The following NRXN2 variants were observed in gnomAD, a reference collection of about 807,000 sequenced individuals.
The protein encoded by NRXN2 is neurexin-2-beta.
In NRXN2, 29 loss-of-function variants were observed where a neutral mutation model predicts 128.8. The observed-to-expected ratio is 0.23, with a 90% CI of 0.17 to 0.31. The LOEUF (loss-of-function observed/expected upper bound fraction) is 0.31, where lower values mean the gene tolerates loss of function less well. NRXN2 is among the 10% of genes least tolerant of loss of function. The pLI is 1.00. For synonymous variants in NRXN2, 1,098 were observed against 1,075.2 expected, an observed-to-expected ratio of 1.02 and a Z score of -0.41; for missense variants, 1,881 against 2,452.6, an observed-to-expected ratio of 0.77 and a Z score of 4.92.
chr11:64,611,119 CA>C (rs918323746), intron 22 of NRXN2, among the ~76,000 whole-genome samples: 1 of 152,198 alleles, frequency 6.6e-6, no homozygotes, highest in African/African-American at 2.4e-5. Flanking sequence ...GTGGGCCTGG[CA>C]CAGAATTGGG....
chr11:64,642,949 C>A, intron 17 of NRXN2: 1 of 1,021,322 alleles, frequency 9.8e-7, no homozygotes. Context: ...AAGCCTCGGT[C>A]CGGAGCCAAC....
intron 5 of NRXN2, chr11:64,688,864 C>T: frequency 2.1e-6 from 2 of 960,354 alleles, no homozygotes; most frequent in Middle Eastern, 5.4e-4. Flanking sequence ...CTCCAGCGCC[C>T]CCCTCCGCCC....
chr11:64,701,769 G>A (rs2055402313), intron 2 of NRXN2, among the ~76,000 whole-genome samples: 1 of 152,208 alleles, frequency 6.6e-6, no homozygotes, highest in Non-Finnish European at 1.5e-5. Flanking sequence ...CCGTCCGGGG[G>A]GGAAGTGGGG....
At position 64,652,085 on chromosome 11, in the gene NRXN2, A is replaced by C; in HGVS notation, c.2486T>G (p.Val829Gly). 2 of 1,613,360 alleles carry C rather than the reference A, an allele frequency of 1.2e-6. No individual in the cohort carries two copies. The highest frequency in any genetic ancestry group is 1.7e-6 in the Non-Finnish European group (2 of 1,179,960). ...NDNEWHTVRV[V>G]RRGKSLQLSV... Reference sequence around the variant, plus strand: ...CAGCTGCAGGCTCTTGCCACGCCGGACCACCCTCACCGTGTGCCACTCATT... The same window carrying C: ...CAGCTGCAGGCTCTTGCCACGCCGGCCCACCCTCACCGTGTGCCACTCATT... The change falls in exon 13 of 23, where the codon GTC (valine) becomes GGC (glycine). Residue 829 changes from valine (V) to glycine (G), a missense_variant. By Grantham distance (109) the Val-to-Gly change is moderately radical. This residue lies in a region of NRXN2 where 997 missense variants were observed against 1,240.8 expected (regional missense o/e 0.80). Coordinates refer to ENST00000265459, the MANE Select transcript of NRXN2 (RefSeq NM_015080.4).
At chr11:64,703,306 G>A (rs2055770282) in intron 2 of NRXN2, among the ~76,000 whole-genome samples, 1 of 152,060 alleles carries the variant, frequency 6.6e-6, no homozygotes, top group Non-Finnish European at 1.5e-5. Flanking sequence ...CATATACTGA[G>A]CACTTAGGGT....
intron 2 of NRXN2, chr11:64,712,583 C>A: frequency 2.6e-6 from 1 of 387,720 alleles, no homozygotes; most frequent in Admixed American, 3.1e-5. Context: ...CGCCCACTGC[C>A]TTTAATGGGC....
chr11:64,662,512 T>C (rs2049177102), intron 9 of NRXN2, among the ~76,000 whole-genome samples: 2 of 152,160 alleles, frequency 1.3e-5, no homozygotes, highest in Non-Finnish European at 2.9e-5. Flanking sequence ...CCGGGCACAG[T>C]GGCCCACGCC....
intron 11 of NRXN2, chr11:64,656,089 T>C (rs185322079): frequency 6.6e-6 from 1 of 152,330 alleles, no homozygotes; most frequent in East Asian, 1.9e-4. Flanking sequence ...CTGCCTCACC[T>C]GGGTTCCTTC....
At chr11:64,650,822 G>A (rs1411638357) in intron 14 of NRXN2, among the ~76,000 whole-genome samples, 184 bp from the exon 15 acceptor site, 3 of 152,136 alleles carry the variant, frequency 2.0e-5, no homozygotes, top group African/African-American at 7.2e-5. Flanking sequence ...CCTGTCACGG[G>A]GAGAATGTAA....
chr11:64,706,662 C>G (rs1323357642), intron 2 of NRXN2, among the ~76,000 whole-genome samples: 1 of 152,148 alleles, frequency 6.6e-6, no homozygotes, highest in African/African-American at 2.4e-5. Context: ...TCTCCCTATA[C>G]CCCTTGGTGC....
intron 9 of NRXN2, among the ~76,000 whole-genome samples, chr11:64,665,935 G>A (rs907791370): frequency 2.6e-5 from 4 of 152,168 alleles, no homozygotes; most frequent in African/African-American, 9.7e-5. Context: ...AGAAGAGAGT[G>A]GCTAGAAGCA....
At position 64,685,935 on chromosome 11, in the gene NRXN2, A is replaced by T. The variant is rs747684673; in HGVS notation, c.863T>A (p.Phe288Tyr). ...VHQPTKGKEE[F>Y]VATFKGNEFF... ...CTCATTGCCTTTGAAGGTCGCCACA[A>T]ACTCCTCCTTGCCTGGATGCCGTGG... Residue 288 changes from phenylalanine to tyrosine, a missense_variant, in exon 6 of 23, where the codon TTT becomes TAT. By Grantham distance (22) the Phe-to-Tyr change is conservative (BLOSUM62 3). Transcript: ENST00000265459. The T allele has an allele frequency of 6.2e-7, 1 of 1,614,080 alleles. No homozygotes were observed. Among genetic ancestry groups the T allele is most frequent in the Non-Finnish European group, 8.5e-7 (1 of 1,180,018 alleles).
At chr11:64,703,553 A>C (rs2055793566) in intron 2 of NRXN2, among the ~76,000 whole-genome samples, 1 of 152,144 alleles carries the variant, frequency 6.6e-6, no homozygotes, top group Non-Finnish European at 1.5e-5. Flanking sequence ...AACTGATTCT[A>C]ATCTAAGGTT....
rs182747676 is a variant in NRXN2 at position 64,647,778 on chromosome 11, C to A, written c.3403+441G>T. Reference sequence around the variant, plus strand: ...GGAAATAACAGATTCCCACTTCATGCCCTGAGGGCACCAAAGGGGGTGCAG... The same window carrying A: ...GGAAATAACAGATTCCCACTTCATGACCTGAGGGCACCAAAGGGGGTGCAG... On this transcript the variant is annotated intron_variant, in intron 17 of 22. Coordinates refer to ENST00000265459, the MANE Select transcript of NRXN2 (RefSeq NM_015080.4). Among the ~76,000 whole-genome samples, 142 of 152,354 alleles carry A rather than the reference C, an allele frequency of 9.3e-4. 2 individuals carry two copies. Among genetic ancestry groups the A allele is most frequent in the Non-Finnish European group, 1.5e-3 (100 of 68,026 alleles).
intron 22 of NRXN2, among the ~76,000 whole-genome samples, chr11:64,611,923 C>A (rs1386325442): frequency 6.6e-6 from 1 of 151,336 alleles, no homozygotes; most frequent in East Asian, 2.0e-4. Flanking sequence ...CCATGACTCC[C>A]CCTCGGTGCC....
Position 64,606,576 on chromosome 11 carries a change from G to C in NRXN2, c.*620C>G, listed in dbSNP as rs1470314485. 1.3e-5 allele frequency: 2 copies of C among 152,272 alleles called. No individual in the cohort carries two copies. The highest frequency in any genetic ancestry group is 1.3e-4 in the Admixed American group (2 of 15,320). 9.4% of individuals were successfully genotyped at this position (152,272 alleles called of 1,614,324 possible). ...ACCAAGCAGGTGCCTCTCCTGGTGA[G>C]GGGAGTTGGGGCACTTGCCCCACCC... is the stretch of plus-strand genomic sequence containing the variant. On this transcript the variant is annotated 3_prime_UTR_variant, in exon 23 of 23. Coordinates refer to ENST00000265459, the MANE Select transcript of NRXN2 (RefSeq NM_015080.4).
chr11:64,673,704 T>G (rs950596545), intron 7 of NRXN2, among the ~76,000 whole-genome samples: 1 of 142,264 alleles, frequency 7.0e-6, no homozygotes, highest in African/African-American at 2.5e-5. Context: ...GTGTGTGTGT[T>G]TGTTTTAGAG....
intron 9 of NRXN2, among the ~76,000 whole-genome samples, chr11:64,663,585 G>A (rs2049361325): frequency 6.6e-6 from 1 of 152,096 alleles, no homozygotes; most frequent in Non-Finnish European, 1.5e-5. Context: ...ATTCCCCCAT[G>A]CCTGCTCTGC....
chr11:64,676,797 A>C (rs1344374834), intron 7 of NRXN2, 196 bp downstream of exon 7: 1 of 620,920 alleles, frequency 1.6e-6, no homozygotes. Flanking sequence ...TTCAGTTTGG[A>C]CCAAAAAAGA....
Sources: allele counts gnomAD v4.1 joint callset (sites outside exome capture counted in the v4.1 genomes callset), GRCh38; gene constraint gnomAD v4.1.1; regional missense constraint gnomAD v4.1.1; transcripts MANE v1.5; gene names NCBI Gene and HGNC (gene_info 2026-07-23, HGNC 2026-07-21).